Variants in SLC13A1 observed in about 807,000 individuals in gnomAD.
SLC13A1 encodes solute carrier family 13 member 1.
In SLC13A1, 65 loss-of-function variants were observed where a neutral mutation model predicts 70.0. The ratio of observed to expected loss-of-function variants is 0.93; its 90% CI spans 0.76 to 1.14. SLC13A1 has a LOEUF of 1.14. SLC13A1 is among the 50% of genes most tolerant of loss of function. SLC13A1 has a pLI of 0.00. For missense variants in SLC13A1, 726 were observed against 717.8 expected, an observed-to-expected ratio of 1.01 and a Z score of -0.13; for synonymous variants, 275 against 250.5, an observed-to-expected ratio of 1.10 and a Z score of -0.92.
Position 123,133,570 on chromosome 7 carries a change from C to T in SLC13A1, c.932+840G>A, listed in dbSNP as rs1793842043. Among the ~76,000 whole-genome samples the T allele has an allele frequency of 1.3e-5, 2 of 152,066 alleles. 1 individual carries two copies. On this transcript the variant is annotated intron_variant, in intron 8 of 14. Transcript: ENST00000194130. Reference sequence around the variant, plus strand: ...TTATTTATTTGAGACAAGAGTCTCGCTCTGTCATCCAGGCTGGAGTGCAAT... The same window carrying T: ...TTATTTATTTGAGACAAGAGTCTCGTTCTGTCATCCAGGCTGGAGTGCAAT...
intron 14 of SLC13A1, among the ~76,000 whole-genome samples, chr7:123,116,931 G>T (rs532759590): frequency 1.8e-4 from 28 of 152,196 alleles, no homozygotes; most frequent in Non-Finnish European, 3.7e-4. Flanking sequence ...TGGCAAAAAT[G>T]TGCATGCTTT....
At chr7:123,142,931 T>C (rs746451231) in intron 7 of SLC13A1, among the ~76,000 whole-genome samples, 6 of 152,064 alleles carry the variant, frequency 3.9e-5, no homozygotes, top group Non-Finnish European at 8.8e-5. Context: ...AAGAGCTCTT[T>C]AGTTAGCAGG....
chr7:123,135,607 C>T (rs1361338063), intron 7 of SLC13A1, among the ~76,000 whole-genome samples: 1 of 152,046 alleles, frequency 6.6e-6, no homozygotes, highest in Non-Finnish European at 1.5e-5. Context: ...TTAAAAATCA[C>T]ATAAGTAATA....
chr7:123,137,691 C>T (rs1793997868), intron 7 of SLC13A1, among the ~76,000 whole-genome samples: 1 of 152,144 alleles, frequency 6.6e-6, no homozygotes, highest in Non-Finnish European at 1.5e-5. Flanking sequence ...GCCCAGTTGC[C>T]ACCCTGCTGT....
chr7:123,137,370 T>G (rs1412945289), intron 7 of SLC13A1, among the ~76,000 whole-genome samples: 1 of 152,144 alleles, frequency 6.6e-6, no homozygotes, highest in Non-Finnish European at 1.5e-5. Context: ...GGATTTTACT[T>G]AGGTAATCAA....
At chr7:123,120,206 G>T (rs1349734826) in intron 12 of SLC13A1, among the ~76,000 whole-genome samples, 1 of 151,938 alleles carries the variant, frequency 6.6e-6, no homozygotes, top group African/African-American at 2.4e-5. Flanking sequence ...TCCCCACTTT[G>T]TGGGAATCAT....
At chr7:123,188,945 C>G (rs1795905709) in intron 1 of SLC13A1, among the ~76,000 whole-genome samples, 1 of 151,002 alleles carries the variant, frequency 6.6e-6, no homozygotes, top group South Asian at 2.1e-4. Flanking sequence ...GAAACCCCGT[C>G]TCTACTAAAA....
intron 6 of SLC13A1, among the ~76,000 whole-genome samples, chr7:123,163,783 T>C (rs1049456586): frequency 6.6e-6 from 1 of 152,096 alleles, no homozygotes; most frequent in Non-Finnish European, 1.5e-5. Flanking sequence ...CTGTTGTCCA[T>C]AGTGACTTCT....
At chr7:123,184,209 A>G (rs1372845260) in intron 1 of SLC13A1, among the ~76,000 whole-genome samples, 1 of 152,142 alleles carries the variant, frequency 6.6e-6, no homozygotes, top group African/African-American at 2.4e-5. Context: ...TGAAGTATCT[A>G]TGCATAGTGG....
intron 6 of SLC13A1, among the ~76,000 whole-genome samples, chr7:123,168,033 C>G (rs926940838): frequency 6.6e-6 from 1 of 151,882 alleles, no homozygotes; most frequent in Non-Finnish European, 1.5e-5. Flanking sequence ...CACATGTACC[C>G]CTGAAACTAA....
chr7:123,147,325 CA>C lies in SLC13A1; in HGVS notation c.661-16del. The C allele has an allele frequency of 6.2e-7, 1 of 1,610,806 alleles. No homozygotes were observed. The highest frequency in any genetic ancestry group is 8.5e-7 in the Non-Finnish European group (1 of 1,178,750). On this transcript the variant is annotated splice_polypyrimidine_tract_variant and intron_variant, in intron 6 of 14. Transcript: ENST00000194130. ...ATGCCTGAGTTCTGTTCAACAACAA[CA>C]AAAAACTACCATGAGAACTGCTCTA... is the stretch of plus-strand genomic sequence containing the variant.
rs144633653 is a variant in SLC13A1 at position 123,178,124 on chromosome 7, C to T, written c.228+2849G>A. ...AATATTTTCGATGATAATATTAATG[C>T]TTGTTTTGAAATATCAAATTGAACA... is the stretch of plus-strand genomic sequence containing the variant. On this transcript the variant is annotated intron_variant, in intron 2 of 14. Coordinates refer to ENST00000194130, the MANE Select transcript of SLC13A1 (RefSeq NM_022444.4). Among the ~76,000 whole-genome samples, 1,248 of 151,346 alleles carry T rather than the reference C, an allele frequency of 8.2e-3. 18 individuals carry two copies. The highest frequency in any genetic ancestry group is 0.028 in the African/African-American group (1,160 of 41,208).
chr7:123,190,463 C>T, intron 1 of SLC13A1: 1 of 423,424 alleles, frequency 2.4e-6, no homozygotes, highest in Non-Finnish European at 4.7e-6. Flanking sequence ...CTCACCTGGG[C>T]TGAGTACAAG....
intron 2 of SLC13A1, 49 bp downstream of exon 2, chr7:123,180,924 C>A (rs748047758): frequency 2.6e-6 from 4 of 1,562,416 alleles, no homozygotes; most frequent in Non-Finnish European, 3.5e-6. Flanking sequence ...CAATGGAAAT[C>A]TCAATACAAA....
intron 7 of SLC13A1, among the ~76,000 whole-genome samples, chr7:123,144,050 A>G (rs1395356166): frequency 2.0e-5 from 3 of 152,184 alleles, no homozygotes; most frequent in Admixed American, 1.3e-4. Context: ...TAGGAAATGG[A>G]GAAAAGATGT....
chr7:123,169,644 G>A (rs1795198128), intron 3 of SLC13A1, among the ~76,000 whole-genome samples: 1 of 139,820 alleles, frequency 7.2e-6, no homozygotes, highest in South Asian at 2.2e-4. Context: ...TGACATAACA[G>A]CTTATAATAT....
At chr7:123,163,865 C>CATACAAATGTAATTACAACATA (rs1320889397) in intron 6 of SLC13A1, among the ~76,000 whole-genome samples, 36 of 151,846 alleles carry the variant, frequency 2.4e-4, no homozygotes, top group Admixed American at 2.4e-3. Flanking sequence ...AGTTATTTTA[C>CATACAAATGTAATTACAACATA]TGTAATTGTA....
intron 1 of SLC13A1, among the ~76,000 whole-genome samples, chr7:123,197,293 G>A (rs1796217770): frequency 6.6e-6 from 1 of 152,034 alleles, no homozygotes; most frequent in African/African-American, 2.4e-5. Context: ...GTAGATTATA[G>A]CCCCACATGG....
intron 1 of SLC13A1, among the ~76,000 whole-genome samples, chr7:123,189,842 G>T (rs968361886): frequency 6.6e-6 from 1 of 151,706 alleles, no homozygotes; most frequent in Non-Finnish European, 1.5e-5. Context: ...TTTTTAATCT[G>T]AAGTCTCATT....
Sources: gnomAD v4.1 joint callset for allele counts (sites outside exome capture counted in the v4.1 genomes callset) on GRCh38, gnomAD v4.1.1 for gene constraint, MANE v1.5 for transcripts, NCBI Gene and HGNC (gene_info 2026-07-23, HGNC 2026-07-21) for gene names.